Variants in FBXL14 observed in about 807,000 individuals in gnomAD.
FBXL14 encodes F-box and leucine rich repeat protein 14.
Under a neutral mutation model 24.5 loss-of-function variants are expected in FBXL14, and 11 were observed. The observed-to-expected ratio is 0.45, with a 90% CI of 0.28 to 0.74. The LOEUF (loss-of-function observed/expected upper bound fraction) is 0.74. FBXL14 is among the 30% of genes least tolerant of loss of function. The pLI is 0.12. For synonymous variants in FBXL14, 294 were observed against 240.4 expected (o/e 1.22, Z -2.06); for missense variants, 384 against 545.6 (o/e 0.70, Z 2.95).
intron 1 of FBXL14, among the ~76,000 whole-genome samples, chr12:1,578,849 G>A (rs1461482464): frequency 6.6e-6 from 1 of 152,124 alleles, no homozygotes; most frequent in African/African-American, 2.4e-5. Context: ...CCTTTAAGGA[G>A]TCAGACCACG....
chr12:1,581,026 C>A (rs1228371877), intron 1 of FBXL14, among the ~76,000 whole-genome samples: 1 of 152,146 alleles, frequency 6.6e-6, no homozygotes, highest in African/African-American at 2.4e-5. Context: ...GTTGTTGATA[C>A]CTGCTTCAGT....
rs1008280732 is a variant in FBXL14 at position 1,567,001 on chromosome 12, G to A, written c.1195-191C>T. Among the ~76,000 whole-genome samples, 2 of 152,096 alleles carry A rather than the reference G, an allele frequency of 1.3e-5. No individual in the cohort carries two copies. The highest frequency in any genetic ancestry group is 4.8e-5 in the African/African-American group (2 of 41,408). ...TTAAGGTGGGGGCGGGAGGGAGGAC[G>A]GAGACTCATTTGTGAATGTTCAGCT... On this transcript the variant is annotated intron_variant, in intron 1 of 1. Transcript: ENST00000339235. The surrounding 1 kb of genome is among the most constrained non-coding windows in gnomAD (Gnocchi z 4.8).
At chr12:1,576,032 G>GT (rs906383268) in intron 1 of FBXL14, among the ~76,000 whole-genome samples, 9 of 152,192 alleles carry the variant, frequency 5.9e-5, no homozygotes, top group African/African-American at 2.2e-4. Flanking sequence ...AGCCCAACAG[G>GT]TTTTTTCTGT....
At chr12:1,592,162 C>G (rs2094491633) in intron 1 of FBXL14, among the ~76,000 whole-genome samples, 1 of 145,496 alleles carries the variant, frequency 6.9e-6, no homozygotes, top group Non-Finnish European at 1.5e-5. Context: ...AAAAAGTAAA[C>G]TAAAACGAGG....
At chr12:1,587,147 G>T (rs1320823440) in intron 1 of FBXL14, among the ~76,000 whole-genome samples, 1 of 149,622 alleles carries the variant, frequency 6.7e-6, no homozygotes, top group Admixed American at 6.8e-5. Flanking sequence ...TGGGGCAGGA[G>T]AATCACTTGA....
At chr12:1,589,397 C>CAAA (rs869295084) in intron 1 of FBXL14, among the ~76,000 whole-genome samples, 354 of 10,974 alleles carry the variant, frequency 0.032, 33 homozygotes, top group African/African-American at 0.1. Context: ...GACCTTGTCT[C>CAAA]AAAAAAAAAA....
At chr12:1,575,746 G>A (rs989564578) in intron 1 of FBXL14, among the ~76,000 whole-genome samples, 3 of 152,170 alleles carry the variant, frequency 2.0e-5, no homozygotes, top group Non-Finnish European at 4.4e-5. Context: ...TTCTCGGTAG[G>A]AAAATAGTGT....
intron 1 of FBXL14, among the ~76,000 whole-genome samples, chr12:1,589,675 C>A (rs945070715): frequency 6.6e-6 from 1 of 152,146 alleles, no homozygotes; most frequent in African/African-American, 2.4e-5. Flanking sequence ...GTTCTCAACA[C>A]GTTAATTGCT....
intron 1 of FBXL14, among the ~76,000 whole-genome samples, chr12:1,580,575 C>T (rs112381974): frequency 1.3e-4 from 20 of 152,174 alleles, no homozygotes; most frequent in African/African-American, 4.8e-4. Context: ...CTCTAGTAAT[C>T]CCTTAAAAAA....
chr12:1,578,593 C>T (rs757878587), intron 1 of FBXL14, among the ~76,000 whole-genome samples: 51 of 152,164 alleles, frequency 3.4e-4, no homozygotes, highest in Non-Finnish European at 5.4e-4. Flanking sequence ...GAGCCGAGAT[C>T]GCGCCACTGC....
intron 1 of FBXL14, among the ~76,000 whole-genome samples, chr12:1,576,225 C>A (rs1281969652): frequency 6.6e-6 from 1 of 152,142 alleles, no homozygotes; most frequent in Non-Finnish European, 1.5e-5. Flanking sequence ...TTGTGCTATG[C>A]TGATAACGTC....
chr12:1,588,773 G>GT (rs912038333), intron 1 of FBXL14, among the ~76,000 whole-genome samples: 2 of 152,066 alleles, frequency 1.3e-5, no homozygotes, highest in Admixed American at 1.3e-4. Flanking sequence ...CCTGAACCAA[G>GT]TTTTTTTCTG....
At chr12:1,576,133 G>T (rs2094455496) in intron 1 of FBXL14, among the ~76,000 whole-genome samples, 1 of 152,144 alleles carries the variant, frequency 6.6e-6, no homozygotes, top group African/African-American at 2.4e-5. Flanking sequence ...CAAAATTACT[G>T]CAGATGAAGC....
At chr12:1,576,012 G>A (rs2094455219) in intron 1 of FBXL14, among the ~76,000 whole-genome samples, 1 of 152,228 alleles carries the variant, frequency 6.6e-6, no homozygotes, top group Non-Finnish European at 1.5e-5. Context: ...TGTGTGCAAT[G>A]CCTCAGCACA....
intron 1 of FBXL14, among the ~76,000 whole-genome samples, chr12:1,586,137 C>G (rs2094475914): frequency 6.7e-6 from 1 of 150,210 alleles, no homozygotes; most frequent in Non-Finnish European, 1.5e-5. Context: ...TCTAAGTTTG[C>G]ATAAGGTAGT....
At chr12:1,586,181 G>GTTTTTT (rs1274323300) in intron 1 of FBXL14, among the ~76,000 whole-genome samples, 5 of 144,870 alleles carry the variant, frequency 3.5e-5, no homozygotes, top group African/African-American at 1.4e-4. Context: ...TAGCATTTGG[G>GTTTTTT]GTTTTTTTTT....
chr12:1,591,727 T>G (rs572414886), intron 1 of FBXL14, among the ~76,000 whole-genome samples: 1 of 152,254 alleles, frequency 6.6e-6, no homozygotes, highest in East Asian at 1.9e-4. Context: ...AGATAAGATA[T>G]GAGCTTCATC....
At chr12:1,578,696 A>C (rs148427713) in intron 1 of FBXL14, among the ~76,000 whole-genome samples, 1 of 152,122 alleles carries the variant, frequency 6.6e-6, no homozygotes, top group Non-Finnish European at 1.5e-5. Context: ...AAGCGCAGAG[A>C]AGCTGAAGAA....
Position 1,593,386 on chromosome 12 carries a change from C to G in FBXL14, c.681G>C (p.Leu227=). The G allele has an allele frequency of 6.2e-7, 1 of 1,614,064 alleles. No homozygotes were observed. The highest frequency in any genetic ancestry group is 1.6e-4 in the Middle Eastern group (1 of 6,062). Residue 227 remains leucine (L), a synonymous_variant, in exon 1 of 2, where the codon CTG becomes CTC. Coordinates refer to ENST00000339235, the MANE Select transcript of FBXL14 (RefSeq NM_152441.3). The surrounding 1 kb of genome is among the most constrained non-coding windows in gnomAD (Gnocchi z 7.4). ...TGAGGTTGAGGAGCCTCAGGCCCGTCAGCCCTCGGGAGATGTGCTTTAGAG... is the reference window on the plus strand; with the variant it reads ...TGAGGTTGAGGAGCCTCAGGCCCGTGAGCCCTCGGGAGATGTGCTTTAGAG... ...DLSLKHISRG[L]TGLRLLNLSF...
Sources: gnomAD v4.1 joint callset for allele counts (sites outside exome capture counted in the v4.1 genomes callset) on GRCh38, gnomAD v4.1.1 for gene constraint, Gnocchi (gnomAD v3.1) non-coding constraint, MANE v1.5 for transcripts, NCBI Gene and HGNC (gene_info 2026-07-23, HGNC 2026-07-21) for gene names.